Variants in ABCA13 observed in about 807,000 individuals in gnomAD.
ABCA13 encodes the protein ATP binding cassette subfamily A member 13.
A neutral mutation model predicts 478.7 loss-of-function variants in ABCA13; 476 were observed. The ratio of observed to expected loss-of-function variants is 0.99; its 90% CI spans 0.92 to 1.07. The LOEUF is 1.07. Ranked by LOEUF, ABCA13 falls within the 50% of genes least tolerant of loss-of-function variation. The pLI, the probability that ABCA13 is intolerant of heterozygous loss-of-function variation, is 0.00. For missense variants in ABCA13, 6,060 were observed against 5,910.6 expected (o/e 1.03, Z -0.83); for synonymous variants, 2,252 against 2,158.9 (o/e 1.04, Z -1.20).
At chr7:48,554,175 T>C (rs558965754) in intron 55 of ABCA13, among the ~76,000 whole-genome samples, 2 of 152,178 alleles carry the variant, frequency 1.3e-5, no homozygotes, top group East Asian at 3.9e-4. Flanking sequence ...TTCTGTCGCA[T>C]TGGCCTATGT....
Position 48,280,880 on chromosome 7 carries a change from T to C in ABCA13, c.8727-463T>C, listed in dbSNP as rs143567015. 3.3e-3 allele frequency among the ~76,000 whole-genome samples: 507 copies of C among 152,326 alleles called. 2 individuals carry two copies. The highest frequency in any genetic ancestry group is 0.012 in the African/African-American group (483 of 41,564). On this transcript the variant is annotated intron_variant, in intron 18 of 61. Transcript: ENST00000435803. ...CTTCATCTCCTCCTTGCTTCTGATG[T>C]CAAACTATATTTTGTTTGACTTTAG...
intron 42 of ABCA13, among the ~76,000 whole-genome samples, chr7:48,433,342 A>G (rs905704613): frequency 4.0e-4 from 60 of 151,652 alleles, no homozygotes; most frequent in African/African-American, 1.4e-3. Context: ...AATAAAAATA[A>G]GTACAGTACT....
intron 37 of ABCA13, among the ~76,000 whole-genome samples, chr7:48,390,222 G>C (rs533461028): frequency 6.6e-6 from 1 of 152,270 alleles, no homozygotes; most frequent in South Asian, 2.1e-4. Context: ...ATTGCATTTG[G>C]AGTTTCTAGA....
chr7:48,479,323 C>T (rs1029646040), intron 45 of ABCA13, among the ~76,000 whole-genome samples: 19 of 152,110 alleles, frequency 1.2e-4, no homozygotes, highest in African/African-American at 3.4e-4. Flanking sequence ...CTGCAACCTC[C>T]GCCTCCCAGG....
At position 48,524,392 on chromosome 7, in the gene ABCA13, G is replaced by C; in HGVS notation, c.14196G>C (p.Gln4732His). Residue 4732 changes from glutamine (Q) to histidine (H), a missense_variant, in exon 54 of 62, where the codon CAG becomes CAC. Physicochemically the swap from Gln to His is conservative, Grantham distance 24. This residue lies in a region of ABCA13 where 1,627 missense variants were observed against 1,571.0 expected (regional missense o/e 1.04). Coordinates refer to ENST00000435803, the MANE Select transcript of ABCA13 (RefSeq NM_152701.5). ...NLSKHYRRFF[Q>H]NIIAVQDISL... ...GTAAACATTATCGACGCTTTTTCCA[G>C]AATATTATTGCTGTGCAAGATATTA... 6.2e-7 allele frequency: 1 copy of C among 1,613,078 alleles called. No homozygotes were observed. Among genetic ancestry groups the C allele is most frequent in the Non-Finnish European group, 8.5e-7 (1 of 1,179,480 alleles).
intron 28 of ABCA13, among the ~76,000 whole-genome samples, chr7:48,337,947 G>A (rs892640254): frequency 3.3e-5 from 5 of 152,164 alleles, no homozygotes; most frequent in African/African-American, 9.7e-5. Context: ...CATTGAGAGA[G>A]GGTTTGGGAA....
intron 59 of ABCA13, among the ~76,000 whole-genome samples, chr7:48,625,452 TA>T (rs1268681500): frequency 6.6e-6 from 1 of 152,250 alleles, no homozygotes; most frequent in African/African-American, 2.4e-5. Context: ...TACTTTAGTT[TA>T]AAGCATCATA....
At chr7:48,526,715 C>A (rs1832911995) in intron 54 of ABCA13, among the ~76,000 whole-genome samples, 1 of 152,136 alleles carries the variant, frequency 6.6e-6, no homozygotes, top group Non-Finnish European at 1.5e-5. Flanking sequence ...TGTATCTAAA[C>A]ATAGACAAGG....
At position 48,234,112 on chromosome 7, in the gene ABCA13, C is replaced by T; in HGVS notation, c.858C>T (p.His286=). Residue 286 remains histidine (H), a synonymous_variant, in exon 8 of 62, where the codon CAC becomes CAT. Coordinates refer to ENST00000435803, the MANE Select transcript of ABCA13 (RefSeq NM_152701.5). ...CCCAGTTTGGCTTTGATGATCTTCA[C>T]ACGGAACAGATCCTGAACTCTTCAG... ...LKSQFGFDDL[H]TEQILNSSAE... is the part of the protein sequence containing the mutation. 6.2e-7 allele frequency: 1 copy of T among 1,613,988 alleles called. No homozygotes were observed.
chr7:48,588,897 A>T (rs1563474790), intron 57 of ABCA13, among the ~76,000 whole-genome samples: 1 of 152,206 alleles, frequency 6.6e-6, no homozygotes, highest in South Asian at 2.1e-4. Flanking sequence ...AATTACACAT[A>T]CAACTCTCAT....
At chr7:48,577,098 A>G (rs1160113625) in intron 55 of ABCA13, among the ~76,000 whole-genome samples, 1 of 152,186 alleles carries the variant, frequency 6.6e-6, no homozygotes, top group Non-Finnish European at 1.5e-5. Context: ...AGGAAAATTC[A>G]TGGAATTTGA....
intron 1 of ABCA13, among the ~76,000 whole-genome samples, chr7:48,186,460 A>G (rs1796362610): frequency 3.3e-5 from 5 of 152,050 alleles, no homozygotes; most frequent in South Asian, 2.1e-4. Flanking sequence ...ATATTGAGAT[A>G]TTCTCTTTTA....
intron 3 of ABCA13, among the ~76,000 whole-genome samples, chr7:48,202,903 C>G (rs560387326): frequency 1.0e-5 from 1 of 96,600 alleles, no homozygotes; most frequent in East Asian, 2.0e-4. Context: ...GTCCCGGTGC[C>G]GTGCGCCCGC....
intron 58 of ABCA13, among the ~76,000 whole-genome samples, chr7:48,607,587 CT>C (rs1791601200): frequency 6.6e-6 from 1 of 152,152 alleles, no homozygotes; most frequent in African/African-American, 2.4e-5. Context: ...TCTTCTAAAT[CT>C]AGCATCTGAG....
intron 5 of ABCA13, among the ~76,000 whole-genome samples, chr7:48,224,230 C>G (rs1416191240): frequency 1.3e-5 from 2 of 152,132 alleles, no homozygotes; most frequent in Admixed American, 6.6e-5. Flanking sequence ...TCTGTTCTTC[C>G]CCGAAGTCAG....
At chr7:48,526,151 T>C (rs1832879588) in intron 54 of ABCA13, among the ~76,000 whole-genome samples, 1 of 152,058 alleles carries the variant, frequency 6.6e-6, no homozygotes, top group African/African-American at 2.4e-5. Flanking sequence ...GGGTAATATT[T>C]TTGGTTTTAT....
chr7:48,523,742 C>T (rs1832710696), intron 53 of ABCA13, among the ~76,000 whole-genome samples: 1 of 152,046 alleles, frequency 6.6e-6, no homozygotes, highest in African/African-American at 2.4e-5. Context: ...ATTTGCATTC[C>T]TCTGATAGAT....
rs532108869 is a variant in ABCA13 at position 48,317,280 on chromosome 7, A to G, written c.9983A>G (p.Asn3328Ser). 13 of 1,613,366 alleles carry G rather than the reference A, an allele frequency of 8.1e-6. No individual in the cohort carries two copies. The African/African-American group carries it at 1.6e-4, about 20-fold the overall frequency. Reference sequence around the variant, plus strand: ...TACACACCAAACACTCCAGAAATTAACAAGGTCATTCAAAAGGTAAGTTAA... The same window carrying G: ...TACACACCAAACACTCCAGAAATTAGCAAGGTCATTCAAAAGGTAAGTTAA... ...ILYTPNTPEI[N>S]KVIQKANYTF... Residue 3328 changes from asparagine to serine, a missense_variant, in exon 27 of 62, where the codon AAC (asparagine) becomes AGC (serine). By Grantham distance (46) the Asn-to-Ser change is conservative. Transcript: ENST00000435803.
rs909153177 is a variant in ABCA13 at position 48,275,156 on chromosome 7, T to A, written c.5490T>A (p.Ser1830=). 2 of 1,613,850 alleles carry A rather than the reference T, an allele frequency of 1.2e-6. No homozygotes were observed. Among genetic ancestry groups the A allele is most frequent in the Non-Finnish European group, 1.7e-6 (2 of 1,179,880 alleles). Residue 1830 remains serine, a synonymous_variant, in exon 17 of 62, where the codon TCT becomes TCA. Transcript: ENST00000435803. ...TTTGGTGCTGGAATCACACAAATTC[T>A]GGATTTCGGCAGAATTCAAAGATAG... ...PVVWCWNHTN[S]GFRQNSKIDP... is the part of the protein sequence containing the mutation.
Sources: allele counts gnomAD v4.1 joint callset (sites outside exome capture counted in the v4.1 genomes callset), GRCh38; gene constraint gnomAD v4.1.1; regional missense constraint gnomAD v4.1.1; transcripts MANE v1.5; gene names NCBI Gene and HGNC (gene_info 2026-07-23, HGNC 2026-07-21).